Variants in OR8I2 observed in about 807,000 individuals in gnomAD.
The protein encoded by OR8I2 is olfactory receptor family 8 subfamily I member 2, also known as olfactory receptor 8I2.
For missense variants in OR8I2, 431 were observed against 368.3 expected, an observed-to-expected ratio of 1.17 and a Z score of -1.39; for synonymous variants, 158 against 142.8, an observed-to-expected ratio of 1.11 and a Z score of -0.76.
At position 56,094,111 on chromosome 11, in the gene OR8I2, C is replaced by T. The variant is rs990413258; in HGVS notation, c.804C>T (p.Thr268=). 1 of 1,613,972 alleles carries T rather than the reference C, an allele frequency of 6.2e-7. No individual in the cohort carries two copies. Among genetic ancestry groups the T allele is most frequent in the South Asian group, 1.1e-5 (1 of 91,066 alleles). The change falls in exon 1 of 1, where the codon ACC becomes ACT. Residue 268 remains threonine (T), a synonymous_variant. Coordinates refer to ENST00000302124, the MANE Select transcript of OR8I2 (RefSeq NM_001003750.1). ...AACCTGATAACACATCATCGCTGAC[C>T]CAGGCGCAGGTGGCATCTGTATTCT... ...YLQPDNTSSL[T]QAQVASVFYT... is the part of the protein sequence containing the mutation.
In OR8I2 at chr11:56,093,680, G is replaced by A; in HGVS notation, c.373G>A (p.Ala125Thr). 1 of 1,613,916 alleles carries A rather than the reference G, an allele frequency of 6.2e-7. No individual in the cohort carries two copies. The change falls in exon 1 of 1, where the codon GCA (alanine) becomes ACA (threonine). Residue 125 changes from alanine to threonine, a missense_variant. Physicochemically the swap from Ala to Thr is moderately conservative, Grantham distance 58. Coordinates refer to ENST00000302124, the MANE Select transcript of OR8I2 (RefSeq NM_001003750.1). ...LGSMAYNRYI[A>T]ICNPLLYSVV... Reference sequence around the variant, plus strand: ...ATCAATGGCCTACAATCGCTACATAGCAATCTGCAATCCCTTACTGTATTC... The same window carrying A: ...ATCAATGGCCTACAATCGCTACATAACAATCTGCAATCCCTTACTGTATTC...
Position 56,093,567 on chromosome 11 carries a change from C to A in OR8I2, c.260C>A (p.Ser87Tyr), listed in dbSNP as rs751781705. The change falls in exon 1 of 1, where the codon TCC (serine) becomes TAC (tyrosine). Residue 87 changes from serine (S) to tyrosine (Y), a missense_variant. Physicochemically the swap from Ser to Tyr is moderately radical, Grantham distance 144. Transcript: ENST00000302124. ...VTPKALVNFQ[S>Y]NRRSISFVGC... ...CCTAAGGCATTGGTGAATTTCCAAT[C>A]CAATCGGAGATCCATCTCCTTTGTT... is the stretch of plus-strand genomic sequence containing the variant. The A allele has an allele frequency of 3.1e-6, 5 of 1,613,870 alleles. No homozygotes were observed. The highest frequency in any genetic ancestry group is 4.2e-6 in the Non-Finnish European group (5 of 1,179,960).
In OR8I2 at chr11:56,093,676, C is replaced by T; in HGVS notation, c.369C>T (p.Tyr123=). 1.2e-6 allele frequency: 2 copies of T among 1,613,980 alleles called. No individual in the cohort carries two copies. The highest frequency in any genetic ancestry group is 1.7e-6 in the Non-Finnish European group (2 of 1,179,948). The change falls in exon 1 of 1, where the codon TAC becomes TAT. Residue 123 remains tyrosine (Y), a synonymous_variant. Transcript: ENST00000302124. ...TGGGATCAATGGCCTACAATCGCTA[C>T]ATAGCAATCTGCAATCCCTTACTGT... ...FLLGSMAYNR[Y]IAICNPLLYS...
rs1207005800 is a variant in OR8I2 at position 56,094,091 on chromosome 11, G to A, written c.784G>A (p.Asp262Asn). The A allele has an allele frequency of 1.2e-6, 2 of 1,613,952 alleles. No homozygotes were observed. Among genetic ancestry groups the A allele is most frequent in the Non-Finnish European group, 1.7e-6 (2 of 1,179,992 alleles). The change falls in exon 1 of 1, where the codon GAT becomes AAT. Residue 262 changes from aspartate to asparagine, a missense_variant. Coordinates refer to ENST00000302124, the MANE Select transcript of OR8I2 (RefSeq NM_001003750.1). Reference protein sequence around the residue: ...GSLIFTYLQPDNTSSLTQAQV... With the variant: ...GSLIFTYLQPNNTSSLTQAQV... ...TCTGATTTTCACCTATTTGCAACCT[G>A]ATAACACATCATCGCTGACCCAGGC...
Position 56,093,652 on chromosome 11 carries a change from G to T in OR8I2, c.345G>T (p.Leu115=), listed in dbSNP as rs751674225. The part of the protein sequence containing the change: ...VGLVCCECFL[L]GSMAYNRYIA... ...TGGTGTGTTGTGAGTGTTTCCTTCTGGGATCAATGGCCTACAATCGCTACA... is the reference window on the plus strand; with the variant it reads ...TGGTGTGTTGTGAGTGTTTCCTTCTTGGATCAATGGCCTACAATCGCTACA... The change falls in exon 1 of 1, where the codon CTG becomes CTT. Residue 115 remains leucine (L), a synonymous_variant. Transcript: ENST00000302124. 6.2e-7 allele frequency: 1 copy of T among 1,613,850 alleles called. No individual in the cohort carries two copies. The highest frequency in any genetic ancestry group is 1.7e-5 in the Admixed American group (1 of 59,934).
chr11:56,093,346 C>A lies in OR8I2; in HGVS notation c.39C>A (p.Ile13=). ...GNNFTEVTVF[I]LSGFANHPEL... ...ATTTCACTGAGGTTACCGTCTTCAT[C>A]CTCTCTGGATTTGCAAATCACCCTG... Residue 13 remains isoleucine, a synonymous_variant, in exon 1 of 1, where the codon ATC becomes ATA. Transcript: ENST00000302124. 1 of 1,602,698 alleles carries A rather than the reference C, an allele frequency of 6.2e-7. No individual in the cohort carries two copies. Among genetic ancestry groups the A allele is most frequent in the Non-Finnish European group, 8.5e-7 (1 of 1,174,912 alleles).
Position 56,094,142 on chromosome 11 carries a change from A to T in OR8I2, c.835A>T (p.Ile279Phe), listed in dbSNP as rs572002122. 2 of 1,613,342 alleles carry T rather than the reference A, an allele frequency of 1.2e-6. No individual in the cohort carries two copies. Among genetic ancestry groups the T allele is most frequent in the South Asian group, 2.2e-5 (2 of 91,050 alleles). ...GCAGGTGGCATCTGTATTCTATACG[A>T]TTGTCATTCCCATGCTGAATCCACT... ...QAQVASVFYT[I>F]VIPMLNPLIY... is the part of the protein sequence containing the mutation. Residue 279 changes from isoleucine to phenylalanine, a missense_variant, in exon 1 of 1, where the codon ATT (isoleucine) becomes TTT (phenylalanine). Ile to Phe is a conservative substitution (Grantham distance 21). Transcript: ENST00000302124.
In OR8I2 at chr11:56,093,737, C is replaced by T. The variant is rs1456388940; in HGVS notation, c.430C>T (p.Leu144=). The T allele has an allele frequency of 4.3e-6, 7 of 1,613,900 alleles. No individual in the cohort carries two copies. The highest frequency in any genetic ancestry group is 5.9e-6 in the Non-Finnish European group (7 of 1,179,966). ...VVMSQKVSNW[L]GVMPYVIGFT... ...CATGTCCCAAAAAGTGTCCAACTGG[C>T]TGGGAGTAATGCCATATGTGATAGG... Residue 144 remains leucine, a synonymous_variant, in exon 1 of 1, where the codon CTG becomes TTG. Coordinates refer to ENST00000302124, the MANE Select transcript of OR8I2 (RefSeq NM_001003750.1).
At position 56,094,186 on chromosome 11, in the gene OR8I2, C is replaced by A. The variant is rs768585152; in HGVS notation, c.879C>A (p.Asn293Lys). 102 of 1,604,728 alleles carry A rather than the reference C, an allele frequency of 6.4e-5. No individual in the cohort carries two copies. The highest frequency in any genetic ancestry group is 7.7e-5 in the Non-Finnish European group (90 of 1,174,356). The change falls in exon 1 of 1, where the codon AAC becomes AAA. Residue 293 changes from asparagine to lysine, a missense_variant. Coordinates refer to ENST00000302124, the MANE Select transcript of OR8I2 (RefSeq NM_001003750.1). ...ATCCACTCATCTACAGTCTGAGGAA[C>A]AAAGATGTGAAAAATGCTCTTCTGA... ...MLNPLIYSLRNKDVKNALLRV... is the reference protein window; with the variant it reads ...MLNPLIYSLRKKDVKNALLRV...
Position 56,093,736 on chromosome 11 carries a change from G to A in OR8I2, c.429G>A (p.Trp143Ter). Reference protein sequence around the residue: ...SVVMSQKVSNWLGVMPYVIGF... With the variant: ...SVVMSQKVSN ...TCATGTCCCAAAAAGTGTCCAACTG[G>A]CTGGGAGTAATGCCATATGTGATAG... is the stretch of plus-strand genomic sequence containing the variant. Residue 143 changes from tryptophan (W) to a stop codon, truncating the protein, a stop_gained, in exon 1 of 1, where the codon TGG (tryptophan) becomes TGA (stop). Transcript: ENST00000302124. LOFTEE classifies it low-confidence loss of function (END_TRUNC). 1.2e-6 allele frequency: 2 copies of A among 1,614,002 alleles called. No homozygotes were observed. The highest frequency in any genetic ancestry group is 1.7e-5 in the Admixed American group (1 of 59,984).
chr11:56,093,843 A>C lies in OR8I2; in HGVS notation c.536A>C (p.Asp179Ala), dbSNP rs150424458. The C allele has an allele frequency of 6.2e-7, 1 of 1,613,932 alleles. No individual in the cohort carries two copies. The highest frequency in any genetic ancestry group is 8.5e-7 in the Non-Finnish European group (1 of 1,179,944). ...CDSSINHFFC[D>A]TTALLALSCV... The stretch of plus-strand genomic sequence containing the variant: ...TCCAGCATCAATCATTTTTTTTGTG[A>C]CACCACAGCTCTTTTAGCACTCTCC... The change falls in exon 1 of 1, where the codon GAC (aspartate) becomes GCC (alanine). Residue 179 changes from aspartate to alanine, a missense_variant. By Grantham distance (126) the Asp-to-Ala change is moderately radical (BLOSUM62 -2). Transcript: ENST00000302124.
In OR8I2 at chr11:56,093,728, T is replaced by C. The variant is rs763372368; in HGVS notation, c.421T>C (p.Ser141Pro). 6.2e-7 allele frequency: 1 copy of C among 1,614,004 alleles called. No homozygotes were observed. The highest frequency in any genetic ancestry group is 8.5e-7 in the Non-Finnish European group (1 of 1,179,942). Residue 141 changes from serine to proline, a missense_variant, in exon 1 of 1, where the codon TCC (serine) becomes CCC (proline). Physicochemically the swap from Ser to Pro is moderately conservative, Grantham distance 74. Coordinates refer to ENST00000302124, the MANE Select transcript of OR8I2 (RefSeq NM_001003750.1). ...LYSVVMSQKV[S>P]NWLGVMPYVI... ...TTCAGTAGTCATGTCCCAAAAAGTG[T>C]CCAACTGGCTGGGAGTAATGCCATA...
Position 56,093,929 on chromosome 11 carries a change from A to G in OR8I2, c.622A>G (p.Ser208Gly). ...SFVLAGFTLL[S>G]SLLIITVTYI... ...TGTCTTAGCTGGATTCACTCTTCTT[A>G]GCTCTCTCCTTATCATCACAGTCAC... The change falls in exon 1 of 1, where the codon AGC becomes GGC. Residue 208 changes from serine (S) to glycine (G), a missense_variant. Coordinates refer to ENST00000302124, the MANE Select transcript of OR8I2 (RefSeq NM_001003750.1). 6.2e-7 allele frequency: 1 copy of G among 1,613,868 alleles called. No individual in the cohort carries two copies. The highest frequency in any genetic ancestry group is 8.5e-7 in the Non-Finnish European group (1 of 1,179,962).
Position 56,093,860 on chromosome 11 carries a change from G to T in OR8I2, c.553G>T (p.Ala185Ser). The part of the protein sequence containing the change: ...HFFCDTTALL[A>S]LSCVDTFGTE... ...TTTTTGTGACACCACAGCTCTTTTA[G>T]CACTCTCCTGTGTAGATACATTCGG... is the stretch of plus-strand genomic sequence containing the variant. Residue 185 changes from alanine to serine, a missense_variant, in exon 1 of 1, where the codon GCA becomes TCA. By Grantham distance (99) the Ala-to-Ser change is moderately conservative. Transcript: ENST00000302124. 1.2e-6 allele frequency: 2 copies of T among 1,613,906 alleles called. No individual in the cohort carries two copies. Among genetic ancestry groups the T allele is most frequent in the Non-Finnish European group, 1.7e-6 (2 of 1,179,956 alleles).
At position 56,094,028 on chromosome 11, in the gene OR8I2, G is replaced by T; in HGVS notation, c.721G>T (p.Ala241Ser). 2 of 1,613,936 alleles carry T rather than the reference G, an allele frequency of 1.2e-6. No homozygotes were observed. Among genetic ancestry groups the T allele is most frequent in the South Asian group, 2.2e-5 (2 of 91,068 alleles). Residue 241 changes from alanine to serine, a missense_variant, in exon 1 of 1, where the codon GCA (alanine) becomes TCA (serine). Transcript: ENST00000302124. ...CAGGCAGAAGGCCTTCTCCACCTGC[G>T]CATCCCACCTCATGGCTGTAACTAT... ...AGRQKAFSTCASHLMAVTIFY... is the reference protein window; with the variant it reads ...AGRQKAFSTCSSHLMAVTIFY...
At position 56,093,913 on chromosome 11, in the gene OR8I2, T is replaced by G; in HGVS notation, c.606T>G (p.Ala202=). The change falls in exon 1 of 1, where the codon GCT becomes GCG. Residue 202 remains alanine (A), a synonymous_variant. Coordinates refer to ENST00000302124, the MANE Select transcript of OR8I2 (RefSeq NM_001003750.1). ...CAGAAATGGTGAGCTTTGTCTTAGC[T>G]GGATTCACTCTTCTTAGCTCTCTCC... The part of the protein sequence containing the change: ...FGTEMVSFVL[A]GFTLLSSLLI... The G allele has an allele frequency of 1.2e-6, 2 of 1,614,028 alleles. No individual in the cohort carries two copies. Among genetic ancestry groups the G allele is most frequent in the Non-Finnish European group, 1.7e-6 (2 of 1,179,974 alleles).
In OR8I2 at chr11:56,093,651, T is replaced by G. The variant is rs1223016191; in HGVS notation, c.344T>G (p.Leu115Arg). ...TTGGTGTGTTGTGAGTGTTTCCTTC[T>G]GGGATCAATGGCCTACAATCGCTAC... The part of the protein sequence containing the change: ...VGLVCCECFL[L>R]GSMAYNRYIA... The change falls in exon 1 of 1, where the codon CTG becomes CGG. Residue 115 changes from leucine (L) to arginine (R), a missense_variant. Leu to Arg is a moderately radical substitution (Grantham distance 102). Coordinates refer to ENST00000302124, the MANE Select transcript of OR8I2 (RefSeq NM_001003750.1). 1.2e-6 allele frequency: 2 copies of G among 1,614,002 alleles called. No homozygotes were observed. The highest frequency in any genetic ancestry group is 1.7e-6 in the Non-Finnish European group (2 of 1,179,978).
chr11:56,093,921 CTCT>C lies in OR8I2; in HGVS notation c.619_621del (p.Leu207del). On this transcript the variant is annotated inframe_deletion, in exon 1 of 1. Coordinates refer to ENST00000302124, the MANE Select transcript of OR8I2 (RefSeq NM_001003750.1). ...GTGAGCTTTGTCTTAGCTGGATTCA[CTCT>C]TCTTAGCTCTCTCCTTATCATCACA... 1 of 1,613,974 alleles carries C rather than the reference CTCT, an allele frequency of 6.2e-7. No individual in the cohort carries two copies. The highest frequency in any genetic ancestry group is 8.5e-7 in the Non-Finnish European group (1 of 1,179,974).
Position 56,093,821 on chromosome 11 carries a change from A to G in OR8I2, c.514A>G (p.Ser172Gly), listed in dbSNP as rs117967749. ...VISSLAFCDS[S>G]INHFFCDTTA... ...AAGCAGTTTGGCGTTCTGTGATTCC[A>G]GCATCAATCATTTTTTTTGTGACAC... The change falls in exon 1 of 1, where the codon AGC becomes GGC. Residue 172 changes from serine to glycine, a missense_variant. Coordinates refer to ENST00000302124, the MANE Select transcript of OR8I2 (RefSeq NM_001003750.1). The G allele has an allele frequency of 0.073, 118,237 of 1,613,172 alleles. 4,959 individuals are homozygous for G. The highest frequency in any genetic ancestry group is 0.082 in the Non-Finnish European group (97,078 of 1,179,202).
Sources: gnomAD v4.1 joint callset for allele counts on GRCh38, gnomAD v4.1.1 for gene constraint, MANE v1.5 for transcripts, NCBI Gene and HGNC (gene_info 2026-07-23, HGNC 2026-07-21) for gene names.